Variants in RRAGC observed in about 807,000 individuals in gnomAD.
RRAGC encodes ras-related GTP-binding protein C.
Under a neutral mutation model 37.1 loss-of-function variants are expected in RRAGC, and 8 were observed. The ratio of observed to expected loss-of-function variants is 0.22; its 90% CI spans 0.13 to 0.39. The LOEUF (loss-of-function observed/expected upper bound fraction) is 0.39. Ranked by LOEUF, RRAGC falls within the 10% of genes least tolerant of loss-of-function variation. RRAGC has a pLI of 1.00. For synonymous variants in RRAGC, 190 were observed against 181.1 expected (o/e 1.05, Z -0.39); for missense variants, 342 against 497.6 (o/e 0.69, Z 2.98).
intron 5 of RRAGC, among the ~76,000 whole-genome samples, chr1:38,849,486 C>T (rs1314613039): frequency 6.6e-6 from 1 of 152,072 alleles, no homozygotes; most frequent in Non-Finnish European, 1.5e-5. Flanking sequence ...GCCAGGAGTT[C>T]GAGACCAGCC....
intron 3 of RRAGC, among the ~76,000 whole-genome samples, chr1:38,853,541 T>C (rs1480445000): frequency 6.6e-6 from 1 of 151,456 alleles, no homozygotes; most frequent in Non-Finnish European, 1.5e-5. Context: ...AGGTCGGGAG[T>C]TCGAGATCAG....
intron 6 of RRAGC, among the ~76,000 whole-genome samples, chr1:38,844,044 T>C (rs1486348925): frequency 2.0e-5 from 3 of 151,790 alleles, no homozygotes; most frequent in East Asian, 1.9e-4. Flanking sequence ...ATAAACAACA[T>C]AGAAGAATAG....
At chr1:38,858,590 C>G (rs1403000522) in intron 1 of RRAGC, among the ~76,000 whole-genome samples, 1 of 152,122 alleles carries the variant, frequency 6.6e-6, no homozygotes, top group African/African-American at 2.4e-5. Flanking sequence ...CCCAGCTATT[C>G]GGGAGGCTGA....
chr1:38,847,374 C>G (rs895035538), intron 5 of RRAGC: 1 of 151,884 alleles, frequency 6.6e-6, no homozygotes, highest in African/African-American at 2.4e-5. Flanking sequence ...CTTTGGAAGG[C>G]TGAGGTGGGA....
chr1:38,842,623 A>G (rs1641978475), intron 6 of RRAGC, among the ~76,000 whole-genome samples: 1 of 152,214 alleles, frequency 6.6e-6, no homozygotes, highest in Non-Finnish European at 1.5e-5. Flanking sequence ...CAATCTCTTT[A>G]TTAGTCAAAA....
intron 1 of RRAGC, among the ~76,000 whole-genome samples, chr1:38,858,522 AC>A (rs1273265077): frequency 2.0e-5 from 3 of 152,034 alleles, no homozygotes; most frequent in Admixed American, 1.3e-4. Context: ...ACATGGTGAA[AC>A]CCCGTCTCTA....
intron 1 of RRAGC, 85 bp downstream of exon 1, chr1:38,859,325 C>G: frequency 7.7e-7 from 1 of 1,291,258 alleles, no homozygotes; most frequent in Non-Finnish European, 1.1e-6. Flanking sequence ...CAGGCGGGCC[C>G]CGGCCGCCGC....
In RRAGC at chr1:38,859,757, G is replaced by A; in HGVS notation, c.-111C>T. 1.0e-6 allele frequency: 1 copy of A among 980,698 alleles called. No homozygotes were observed. Among genetic ancestry groups the A allele is most frequent in the Non-Finnish European group, 1.3e-6 (1 of 771,380 alleles). The allele number at this position is 980,698 out of a possible 1,614,324, so 60.7% of individuals were successfully genotyped here. A position where few individuals can be genotyped will look rare whatever the true frequency, so the allele number is the denominator to read the frequency against. On this transcript the variant is annotated 5_prime_UTR_variant, in exon 1 of 7. Coordinates refer to ENST00000373001, the MANE Select transcript of RRAGC (RefSeq NM_022157.4). Reference sequence around the variant, plus strand: ...GCCGCCACCACCGCCACCGCCCCCGGCAGCCGCCACAGTCCGGCCCGCCCC... The same window carrying A: ...GCCGCCACCACCGCCACCGCCCCCGACAGCCGCCACAGTCCGGCCCGCCCC...
intron 1 of RRAGC, among the ~76,000 whole-genome samples, chr1:38,857,724 CCGAGGCGGG>C (rs1262466200): frequency 1.3e-5 from 2 of 152,212 alleles, no homozygotes; most frequent in African/African-American, 2.4e-5. Context: ...CTTTAGGCGG[CCGAGGCGGG>C]CGGATCACTT....
intron 1 of RRAGC, among the ~76,000 whole-genome samples, chr1:38,858,109 T>C (rs1642189241): frequency 6.6e-6 from 1 of 151,970 alleles, no homozygotes; most frequent in Non-Finnish European, 1.5e-5. Flanking sequence ...ATTAGTTTAC[T>C]AAAAACCTAC....
At chr1:38,846,153 C>A in intron 5 of RRAGC, 66 bp from the exon 6 acceptor site, 1 of 1,252,836 alleles carries the variant, frequency 8.0e-7, no homozygotes, top group East Asian at 2.4e-5. Flanking sequence ...ATTTAATCTG[C>A]ACAATGACAT....
chr1:38,844,929 C>T (rs943189728), intron 6 of RRAGC, among the ~76,000 whole-genome samples: 8 of 152,148 alleles, frequency 5.3e-5, no homozygotes, highest in Admixed American at 3.9e-4. Flanking sequence ...AGTGAGATAC[C>T]AGCTCATGCC....
At chr1:38,846,373 T>G (rs1193052113) in intron 5 of RRAGC, 1 of 270,268 alleles carries the variant, frequency 3.7e-6, no homozygotes, top group Admixed American at 5.8e-5. Flanking sequence ...AATGACAACG[T>G]TACCAACATC....
chr1:38,851,785 A>G (rs765507013), intron 4 of RRAGC, 28 bp from the exon 5 acceptor site: 52 of 1,588,314 alleles, frequency 3.3e-5, no homozygotes, highest in Non-Finnish European at 4.5e-5. Context: ...GAAACTGTTC[A>G]GTATTTTTTA....
At chr1:38,855,380 G>C (rs576707132) in intron 3 of RRAGC, among the ~76,000 whole-genome samples, 1 of 152,288 alleles carries the variant, frequency 6.6e-6, no homozygotes, top group Non-Finnish European at 1.5e-5. Context: ...ATGCAAGGCG[G>C]GGAAAAGTAA....
chr1:38,853,237 G>A (rs1343402033), intron 3 of RRAGC, among the ~76,000 whole-genome samples: 1 of 152,228 alleles, frequency 6.6e-6, no homozygotes, highest in Non-Finnish European at 1.5e-5. Context: ...GAATCTACAG[G>A]AGTCTGGAGG....
intron 6 of RRAGC, among the ~76,000 whole-genome samples, chr1:38,841,520 C>T (rs1026706583): frequency 6.6e-6 from 1 of 152,020 alleles, no homozygotes; most frequent in African/African-American, 2.4e-5. Context: ...CAAGCCACCA[C>T]ACCCAACTAA....
chr1:38,855,785 T>C lies in RRAGC; in HGVS notation c.564A>G (p.Lys188=). 1.2e-6 allele frequency: 2 copies of C among 1,614,122 alleles called. No homozygotes were observed. Among genetic ancestry groups the C allele is most frequent in the Non-Finnish European group, 1.7e-6 (2 of 1,179,972 alleles). ...HKVDGLSDDH[K]IETQRDIHQR... ...GATGAATGTCCCTCTGTGTTTCTAT[T>C]TTGTGATCATCAGACAGACCATCAA... Residue 188 remains lysine (K), a synonymous_variant, in exon 3 of 7, where the codon AAA becomes AAG. Transcript: ENST00000373001.
intron 6 of RRAGC, among the ~76,000 whole-genome samples, chr1:38,839,963 G>A (rs1200802346): frequency 5.3e-5 from 8 of 151,828 alleles, no homozygotes; most frequent in African/African-American, 1.7e-4. Context: ...TGGCTAACAC[G>A]GTGAAACCCC....
Sources: allele counts gnomAD v4.1 joint callset (sites outside exome capture counted in the v4.1 genomes callset), GRCh38; gene constraint gnomAD v4.1.1; transcripts MANE v1.5; gene names NCBI Gene and HGNC (gene_info 2026-07-23, HGNC 2026-07-21).